Variants in CDH13 observed in about 807,000 individuals in gnomAD.
CDH13 encodes the protein cadherin-13.
CDH13 carries 24 observed loss-of-function variants against 63.8 expected under a neutral mutation model. That is an observed-to-expected ratio of 0.38 (90% CI 0.27 to 0.53). The LOEUF is 0.53. Ranked by LOEUF, CDH13 falls within the 20% of genes least tolerant of loss-of-function variation. CDH13 has a pLI of 0.85. For missense variants in CDH13, 1,049 were observed against 903.1 expected (o/e 1.16, Z -2.07); for synonymous variants, 503 against 355.3 (o/e 1.42, Z -4.67).
intron 3 of CDH13, among the ~76,000 whole-genome samples, chr16:83,035,015 C>T (rs1294348245): frequency 6.6e-6 from 1 of 151,856 alleles, no homozygotes; most frequent in Non-Finnish European, 1.5e-5. Context: ...TCTCCCACGT[C>T]CAGTAATTTT....
At chr16:83,217,288 T>G in intron 4 of CDH13, 57 bp from the exon 5 acceptor site, 1 of 1,577,214 alleles carries the variant, frequency 6.3e-7, no homozygotes, top group East Asian at 2.2e-5. Flanking sequence ...ATGTTTGCAA[T>G]GTGCTTTCTC....
chr16:83,111,153 C>T (rs2035039099), intron 3 of CDH13, among the ~76,000 whole-genome samples: 1 of 149,514 alleles, frequency 6.7e-6, no homozygotes, highest in Non-Finnish European at 1.5e-5. Flanking sequence ...GCCTGGGCGA[C>T]AGAGCGGGAC....
chr16:83,298,995 T>C (rs1172479498), intron 5 of CDH13, among the ~76,000 whole-genome samples: 2 of 152,234 alleles, frequency 1.3e-5, no homozygotes, highest in Non-Finnish European at 2.9e-5. Context: ...TATAAAATAC[T>C]ATAAAGCATG....
intron 7 of CDH13, among the ~76,000 whole-genome samples, chr16:83,586,832 G>A (rs1346828680): frequency 6.6e-6 from 1 of 152,174 alleles, no homozygotes; most frequent in Non-Finnish European, 1.5e-5. Flanking sequence ...CCTGGTCCAC[G>A]AATTAGCTTT....
intron 1 of CDH13, among the ~76,000 whole-genome samples, chr16:82,721,202 A>G (rs941532335): frequency 2.6e-5 from 4 of 152,200 alleles, no homozygotes; most frequent in South Asian, 2.1e-4. Context: ...ATCAAAAAGC[A>G]TAAGACATTG....
intron 2 of CDH13, among the ~76,000 whole-genome samples, chr16:82,876,828 C>T (rs2151197066): frequency 1.3e-5 from 2 of 152,276 alleles, no homozygotes; most frequent in Admixed American, 1.3e-4. Context: ...CAGAAGCATC[C>T]ATACAGTTAC....
chr16:83,684,279 AT>A (rs1183511988), intron 10 of CDH13, among the ~76,000 whole-genome samples: 1 of 152,086 alleles, frequency 6.6e-6, no homozygotes, highest in Non-Finnish European at 1.5e-5. Context: ...AGGCAGGAGA[AT>A]TTCTTGAACC....
At chr16:82,783,183 A>G (rs891601122) in intron 1 of CDH13, among the ~76,000 whole-genome samples, 1 of 152,228 alleles carries the variant, frequency 6.6e-6, no homozygotes, top group Non-Finnish European at 1.5e-5. Flanking sequence ...TGGGCAATCC[A>G]TACTCATAGC....
At chr16:83,232,765 C>T (rs2040040606) in intron 5 of CDH13, among the ~76,000 whole-genome samples, 1 of 134,808 alleles carries the variant, frequency 7.4e-6, no homozygotes, top group Non-Finnish European at 1.6e-5. Flanking sequence ...ATGACCCACT[C>T]TCGGGTATTT....
intron 10 of CDH13, among the ~76,000 whole-genome samples, chr16:83,687,627 T>C (rs771348714): frequency 5.0e-4 from 76 of 152,362 alleles, no homozygotes; most frequent in Middle Eastern, 6.8e-3. Flanking sequence ...TCATAGGTTT[T>C]GTTTTCTTTT....
intron 1 of CDH13, among the ~76,000 whole-genome samples, chr16:82,627,918 C>T (rs111493279): frequency 0.013 from 1,970 of 152,358 alleles, 27 homozygotes; most frequent in African/African-American, 0.045. Context: ...GAGCGGAGCG[C>T]AGAGAAAAGT....
At chr16:83,068,178 A>G (rs530775105) in intron 3 of CDH13, among the ~76,000 whole-genome samples, 83 of 152,332 alleles carry the variant, frequency 5.4e-4, no homozygotes, top group African/African-American at 1.6e-3. Context: ...CCAACTTCCA[A>G]TGAAATTAGA....
chr16:83,456,529 C>A (rs935611567), intron 6 of CDH13, among the ~76,000 whole-genome samples: 2 of 152,110 alleles, frequency 1.3e-5, no homozygotes, highest in African/African-American at 4.8e-5. Flanking sequence ...GGTTCAGAGG[C>A]AACTGCAAGG....
intron 1 of CDH13, among the ~76,000 whole-genome samples, chr16:82,739,906 G>A (rs918494108): frequency 1.3e-5 from 2 of 152,124 alleles, no homozygotes; most frequent in African/African-American, 4.8e-5. Context: ...AACTCTTGGT[G>A]TTGGCTACCT....
chr16:83,486,780 C>T, intron 7 of CDH13, 125 bp downstream of exon 7: 1 of 840,836 alleles, frequency 1.2e-6, no homozygotes, highest in South Asian at 1.8e-5. Flanking sequence ...AGGTGTTTAC[C>T]ATGTTTTGGT....
intron 2 of CDH13, among the ~76,000 whole-genome samples, chr16:82,933,012 C>A (rs1889952682): frequency 6.6e-6 from 1 of 152,048 alleles, no homozygotes; most frequent in African/African-American, 2.4e-5. Context: ...TTACCAATTT[C>A]ATATTTTTTT....
At chr16:83,027,275 C>T (rs369751736) in intron 2 of CDH13, among the ~76,000 whole-genome samples, 1 of 152,134 alleles carries the variant, frequency 6.6e-6, no homozygotes, top group Admixed American at 6.5e-5. Context: ...TCAATTTCTG[C>T]TCTTGGTTCT....
chr16:83,778,719 ATTTC>A (rs1486430718), intron 11 of CDH13, among the ~76,000 whole-genome samples: 1 of 152,186 alleles, frequency 6.6e-6, no homozygotes, highest in South Asian at 2.1e-4. Flanking sequence ...TAGTGATCTC[ATTTC>A]TCATCACTAA....
intron 7 of CDH13, among the ~76,000 whole-genome samples, chr16:83,494,294 T>C (rs906336390): frequency 6.6e-6 from 1 of 152,032 alleles, no homozygotes; most frequent in Non-Finnish European, 1.5e-5. Context: ...GAAAAAGTTC[T>C]TTTCGAGAGC....
Sources: allele counts gnomAD v4.1 joint callset (sites outside exome capture counted in the v4.1 genomes callset), GRCh38; gene constraint gnomAD v4.1.1; transcripts MANE v1.5; gene names NCBI Gene and HGNC (gene_info 2026-07-23, HGNC 2026-07-21).